CNTN4: variants seen among roughly 807,000 people sequenced by gnomAD.
CNTN4 encodes the protein contactin-4.
In CNTN4, 77 loss-of-function variants were observed where a neutral mutation model predicts 122.5. The ratio of observed to expected loss-of-function variants is 0.63; its 90% confidence interval spans 0.52 to 0.76. CNTN4 has a LOEUF of 0.76. Among genes scored for constraint, CNTN4 ranks in the 30% least tolerant of loss-of-function variants. The pLI is 0.00. For synonymous variants in CNTN4, 512 were observed against 447.0 expected (o/e 1.15, Z -1.83); for missense variants, 1,256 against 1,259.1 (o/e 1.00, Z 0.04).
chr3:2,840,551 T>G (rs111997063), intron 7 of CNTN4, among the ~76,000 whole-genome samples: 34 of 29,700 alleles, frequency 1.1e-3, no homozygotes, highest in African/African-American at 1.6e-3. Context: ...ATACAAAAAT[T>G]AGCCGGGCGC....
At chr3:2,239,416 C>T (rs1430242452) in intron 2 of CNTN4, among the ~76,000 whole-genome samples, 1 of 152,136 alleles carries the variant, frequency 6.6e-6, no homozygotes, top group Non-Finnish European at 1.5e-5. Flanking sequence ...CCTCAAATCT[C>T]ATACCAAAAA....
At chr3:2,883,572 C>T (rs1160185672) in intron 9 of CNTN4, among the ~76,000 whole-genome samples, 1 of 152,172 alleles carries the variant, frequency 6.6e-6, no homozygotes, top group Non-Finnish European at 1.5e-5. Flanking sequence ...ACAATGGCCT[C>T]CACTTGAGGT....
chr3:2,944,128 T>G (rs1405265970), intron 13 of CNTN4, among the ~76,000 whole-genome samples: 3 of 151,624 alleles, frequency 2.0e-5, no homozygotes, highest in South Asian at 2.1e-4. Flanking sequence ...AAGGTCATGG[T>G]TCAGAGAAAA....
chr3:2,515,184 C>T (rs551765757), intron 3 of CNTN4, among the ~76,000 whole-genome samples: 3 of 152,208 alleles, frequency 2.0e-5, no homozygotes, highest in South Asian at 2.1e-4. Context: ...AATTACTTAG[C>T]TTTAGGCATG....
intron 12 of CNTN4, among the ~76,000 whole-genome samples, chr3:2,904,805 A>C (rs1458655948): frequency 1.3e-5 from 2 of 152,198 alleles, no homozygotes; most frequent in Non-Finnish European, 2.9e-5. Context: ...TAAAAGTGAG[A>C]TGTGGCCTAA....
intron 4 of CNTN4, among the ~76,000 whole-genome samples, chr3:2,610,774 C>T (rs371501941): frequency 2.2e-4 from 33 of 152,036 alleles, no homozygotes; most frequent in East Asian, 1.4e-3. Context: ...AGCAAGAAGG[C>T]AGTCATTATG....
intron 2 of CNTN4, among the ~76,000 whole-genome samples, chr3:2,104,830 T>C (rs140819171): frequency 5.8e-4 from 89 of 152,348 alleles, no homozygotes; most frequent in African/African-American, 2.0e-3. Flanking sequence ...CAGCTAATTC[T>C]CTAGGTATGG....
At chr3:2,393,761 A>G (rs1429012514) in intron 3 of CNTN4, among the ~76,000 whole-genome samples, 1 of 152,172 alleles carries the variant, frequency 6.6e-6, no homozygotes, top group Non-Finnish European at 1.5e-5. Flanking sequence ...AAGGAAAGAT[A>G]GGAAAGAATC....
intron 10 of CNTN4, among the ~76,000 whole-genome samples, chr3:2,888,088 C>G (rs1315796033): frequency 6.6e-6 from 1 of 152,150 alleles, no homozygotes; most frequent in Non-Finnish European, 1.5e-5. Context: ...TTTAAATGTT[C>G]TTATTTCTTG....
intron 2 of CNTN4, among the ~76,000 whole-genome samples, chr3:2,281,903 A>T (rs1357941700): frequency 6.6e-6 from 1 of 152,080 alleles, no homozygotes; most frequent in African/African-American, 2.4e-5. Flanking sequence ...CACTCTACTG[A>T]CTCAAAAACA....
chr3:2,736,787 T>TTTATTTATTTAC (rs2089137753), intron 5 of CNTN4, among the ~76,000 whole-genome samples: 3 of 147,326 alleles, frequency 2.0e-5, no homozygotes, highest in East Asian at 4.1e-4. Context: ...TATTTATTTA[T>TTTATTTATTTAC]TTATTTATTT....
chr3:2,688,960 T>G (rs1196084098), intron 4 of CNTN4, among the ~76,000 whole-genome samples: 2 of 152,160 alleles, frequency 1.3e-5, no homozygotes, highest in Non-Finnish European at 2.9e-5. Context: ...AGAGGTCTAA[T>G]GTAGCACCTG....
intron 8 of CNTN4, among the ~76,000 whole-genome samples, chr3:2,872,478 G>C (rs1274317244): frequency 6.0e-5 from 9 of 150,652 alleles, no homozygotes; most frequent in African/African-American, 2.2e-4. Flanking sequence ...TTTTTGTTTT[G>C]TTTTGTTTTT....
intron 2 of CNTN4, among the ~76,000 whole-genome samples, chr3:2,255,615 G>C (rs1339418955): frequency 6.6e-6 from 1 of 152,134 alleles, no homozygotes; most frequent in Non-Finnish European, 1.5e-5. Context: ...AATCAAATTA[G>C]AACTCAGGAT....
chr3:2,697,048 A>T (rs1450830202), intron 4 of CNTN4, among the ~76,000 whole-genome samples: 1 of 152,196 alleles, frequency 6.6e-6, no homozygotes, highest in Non-Finnish European at 1.5e-5. Flanking sequence ...CACCCTGCCT[A>T]TTCTATGGTG....
intron 13 of CNTN4, among the ~76,000 whole-genome samples, chr3:2,955,693 T>A (rs1336926375): frequency 1.3e-5 from 2 of 152,198 alleles, no homozygotes; most frequent in Admixed American, 6.5e-5. Flanking sequence ...TGGAGCCTAC[T>A]AATATCTCAT....
At chr3:2,705,291 C>A (rs1171227167) in intron 4 of CNTN4, among the ~76,000 whole-genome samples, 3 of 145,576 alleles carry the variant, frequency 2.1e-5, no homozygotes, top group Non-Finnish European at 4.5e-5. Flanking sequence ...TGGCGGGAAC[C>A]TAGGAGGCAG....
chr3:3,034,830 C>T (rs1171603891), intron 17 of CNTN4, 40 bp downstream of exon 17: 2 of 1,604,880 alleles, frequency 1.2e-6, no homozygotes, highest in African/African-American at 1.3e-5. Context: ...ATTGGGAACT[C>T]AGCATACTGG....
rs570573077 is a variant in CNTN4 at position 2,344,524 on chromosome 3, C to T, written c.-89+5291C>T. Among the ~76,000 whole-genome samples the T allele has an allele frequency of 5.3e-5, 8 of 152,184 alleles. No individual in the cohort carries two copies. The East Asian group carries it at 5.8e-4, about 11-fold the overall frequency. ...CAAACTCCTGACCTCATGATCCACC[C>T]GCTTCAGCCTCCCAAAGTGCTGGGA... On this transcript the variant is annotated intron_variant, in intron 3 of 24. Transcript: ENST00000418658.
Sources: allele counts gnomAD v4.1 joint callset (sites outside exome capture counted in the v4.1 genomes callset), GRCh38; gene constraint gnomAD v4.1.1; transcripts MANE v1.5; gene names NCBI Gene and HGNC (gene_info 2026-07-23, HGNC 2026-07-21).